ADAMTS3: variants seen among roughly 807,000 people sequenced by gnomAD.
The protein encoded by ADAMTS3 is A disintegrin and metalloproteinase with thrombospondin motifs 3.
In ADAMTS3, 73 loss-of-function variants were observed where a neutral mutation model predicts 129.0. That is an observed-to-expected ratio of 0.57 (90% CI 0.47 to 0.69). The LOEUF is 0.69. Ranked by LOEUF, ADAMTS3 falls within the 30% of genes least tolerant of loss-of-function variation. The pLI is 0.00. For missense variants in ADAMTS3, 1,457 were observed against 1,514.5 expected (o/e 0.96, Z 0.63); for synonymous variants, 477 against 510.8 (o/e 0.93, Z 0.89).
intron 3 of ADAMTS3, among the ~76,000 whole-genome samples, chr4:72,507,340 G>A (rs889672385): frequency 6.6e-6 from 1 of 151,932 alleles, no homozygotes; most frequent in Non-Finnish European, 1.5e-5. Context: ...TAGTTACTGT[G>A]CCTTGGTAAC....
intron 15 of ADAMTS3, 125 bp downstream of exon 15, chr4:72,309,272 A>G: frequency 1.1e-6 from 1 of 944,452 alleles, no homozygotes; most frequent in Non-Finnish European, 1.6e-6. Flanking sequence ...AATCTGAATA[A>G]CAATAAATCA....
At chr4:72,515,150 AC>A (rs1720430092) in intron 3 of ADAMTS3, among the ~76,000 whole-genome samples, 1 of 152,178 alleles carries the variant, frequency 6.6e-6, no homozygotes, top group South Asian at 2.1e-4. Context: ...CCATGTCCCT[AC>A]AAAGGACATG....
intron 3 of ADAMTS3, among the ~76,000 whole-genome samples, chr4:72,500,256 G>GT (rs1283428296): frequency 1.3e-5 from 2 of 152,018 alleles, no homozygotes; most frequent in Non-Finnish European, 2.9e-5. Context: ...TAAGCATTCC[G>GT]TTTTCTCTGC....
intron 3 of ADAMTS3, among the ~76,000 whole-genome samples, chr4:72,529,515 T>C (rs980894241): frequency 7.3e-5 from 11 of 150,124 alleles, no homozygotes; most frequent in Non-Finnish European, 1.2e-4. Flanking sequence ...AATCTACTTA[T>C]ACTGAGCCTT....
At chr4:72,377,892 C>G (rs1244058398) in intron 4 of ADAMTS3, among the ~76,000 whole-genome samples, 1 of 152,150 alleles carries the variant, frequency 6.6e-6, no homozygotes, top group Non-Finnish European at 1.5e-5. Context: ...ACTGGAAAAT[C>G]AGGGAATAAC....
At chr4:72,296,185 A>ATACT (rs1718802823) in intron 18 of ADAMTS3, among the ~76,000 whole-genome samples, 1 of 152,010 alleles carries the variant, frequency 6.6e-6, no homozygotes, top group East Asian at 1.9e-4. Flanking sequence ...GGGAGGGGAA[A>ATACT]GCTTAGAGGA....
chr4:72,568,137 G>T, intron 1 of ADAMTS3: 1 of 153,154 alleles, frequency 6.5e-6, no homozygotes, highest in Non-Finnish European at 1.5e-5. Flanking sequence ...CTCCCCAACT[G>T]TCAAATCCTA....
At chr4:72,429,227 G>A (rs1163428365) in intron 3 of ADAMTS3, among the ~76,000 whole-genome samples, 2 of 152,018 alleles carry the variant, frequency 1.3e-5, no homozygotes, top group African/African-American at 4.8e-5. Flanking sequence ...AAGAAAACAT[G>A]AATAAATGGA....
chr4:72,433,229 C>T (rs1216565771), intron 3 of ADAMTS3, among the ~76,000 whole-genome samples: 4 of 151,960 alleles, frequency 2.6e-5, no homozygotes, highest in Admixed American at 2.0e-4. Context: ...ATCTCTCCAG[C>T]TAGAAGCTCA....
At chr4:72,396,724 T>G (rs1721735251) in intron 4 of ADAMTS3, among the ~76,000 whole-genome samples, 1 of 152,194 alleles carries the variant, frequency 6.6e-6, no homozygotes, top group East Asian at 1.9e-4. Context: ...ATGTAATGAC[T>G]TAAATTTTAA....
chr4:72,326,631 T>A (rs1396853441), intron 5 of ADAMTS3, among the ~76,000 whole-genome samples: 2 of 152,090 alleles, frequency 1.3e-5, no homozygotes, highest in African/African-American at 4.8e-5. Flanking sequence ...ACAAGCAAGA[T>A]CATACAACTA....
At chr4:72,513,085 G>C (rs967891233) in intron 3 of ADAMTS3, among the ~76,000 whole-genome samples, 5 of 152,166 alleles carry the variant, frequency 3.3e-5, no homozygotes, top group African/African-American at 1.2e-4. Flanking sequence ...CCAAATTCCT[G>C]TCCCTAGCCA....
intron 3 of ADAMTS3, among the ~76,000 whole-genome samples, chr4:72,434,952 C>T (rs1057203925): frequency 6.6e-6 from 1 of 151,824 alleles, no homozygotes; most frequent in Admixed American, 6.6e-5. Context: ...AAATGTGGAT[C>T]TCAATTAGCC....
At chr4:72,455,843 C>CTATATA (rs369838945) in intron 3 of ADAMTS3, among the ~76,000 whole-genome samples, 1 of 65,656 alleles carries the variant, frequency 1.5e-5, no homozygotes, top group African/African-American at 7.1e-5. Flanking sequence ...AGTGTATATA[C>CTATATA]TATATATTTT....
At chr4:72,462,785 C>G (rs10002579) in intron 3 of ADAMTS3, among the ~76,000 whole-genome samples, 3 of 151,850 alleles carry the variant, frequency 2.0e-5, no homozygotes, top group African/African-American at 7.2e-5. Context: ...TTATACAATG[C>G]GTTTGGGTTA....
chr4:72,466,558 T>C (rs2109989098), intron 3 of ADAMTS3, among the ~76,000 whole-genome samples: 1 of 152,130 alleles, frequency 6.6e-6, no homozygotes, highest in Middle Eastern at 3.4e-3. Flanking sequence ...CGACAGAATG[T>C]GGGGGTGGGA....
chr4:72,302,210 TA>T (rs1034668790), intron 17 of ADAMTS3, among the ~76,000 whole-genome samples: 4 of 148,338 alleles, frequency 2.7e-5, no homozygotes, highest in African/African-American at 1.0e-4. Flanking sequence ...ATGTGATCCA[TA>T]AAAAAAATTG....
At chr4:72,441,745 T>A (rs1033541978) in intron 3 of ADAMTS3, 4 of 151,778 alleles carry the variant, frequency 2.6e-5, no homozygotes, top group African/African-American at 9.7e-5. Flanking sequence ...TATTCATCAG[T>A]CACATCAATG....
chr4:72,469,874 G>A (rs952227606), intron 3 of ADAMTS3, among the ~76,000 whole-genome samples: 9 of 152,046 alleles, frequency 5.9e-5, no homozygotes, highest in Non-Finnish European at 5.9e-5. Context: ...TAAGAATACA[G>A]TATATAATAT....
Sources: gnomAD v4.1 joint callset for allele counts (sites outside exome capture counted in the v4.1 genomes callset) on GRCh38, gnomAD v4.1.1 for gene constraint, MANE v1.5 for transcripts, NCBI Gene and HGNC (gene_info 2026-07-23, HGNC 2026-07-21) for gene names.